PAK3: variants seen among roughly 807,000 people sequenced by gnomAD.
PAK3 encodes the protein serine/threonine-protein kinase PAK 3.
A neutral mutation model predicts 41.0 loss-of-function variants in PAK3; 4 were observed. The ratio of observed to expected loss-of-function variants is 0.10; its 90% CI spans 0.05 to 0.22. PAK3 has a LOEUF of 0.22. Among genes scored for constraint, PAK3 ranks in the 10% least tolerant of loss-of-function variants. The pLI, the probability that PAK3 is intolerant of heterozygous loss-of-function variation, is 1.00. For synonymous variants in PAK3, 146 were observed against 139.6 expected, an observed-to-expected ratio of 1.05 and a Z score of -0.32; for missense variants, 205 against 409.9, an observed-to-expected ratio of 0.50 and a Z score of 4.32.
At chrX:111,114,561 C>A (rs1472227536) in intron 4 of PAK3, among the ~76,000 whole-genome samples, 4 of 111,478 alleles carry the variant, frequency 3.6e-5, no homozygotes, top group Non-Finnish European at 7.5e-5. Context: ...GACATAAGAT[C>A]TTTTCCTCTC....
At chrX:111,036,336 T>C (rs2092398995) in intron 1 of PAK3, among the ~76,000 whole-genome samples, 1 of 112,546 alleles carries the variant, frequency 8.9e-6, no homozygotes, top group South Asian at 3.7e-4. Context: ...TCCATTCTCG[T>C]GCTGCTATGA....
chrX:111,195,472 G>C (rs1370836789), intron 14 of PAK3, among the ~76,000 whole-genome samples: 2 of 111,887 alleles, frequency 1.8e-5, no homozygotes, highest in Non-Finnish European at 3.8e-5. Context: ...CAGAACTTCT[G>C]AATCAAATCA....
At chrX:111,065,426 T>A (rs1404565950) in intron 1 of PAK3, among the ~76,000 whole-genome samples, 5 of 111,470 alleles carry the variant, frequency 4.5e-5, no homozygotes. Context: ...TGGTGAATTA[T>A]CTTTTTGATG....
At chrX:111,052,872 T>C (rs1220629276) in intron 1 of PAK3, among the ~76,000 whole-genome samples, 1 of 112,204 alleles carries the variant, frequency 8.9e-6, no homozygotes, top group Non-Finnish European at 1.9e-5. Context: ...CCTTTAACCA[T>C]GTCAGAAAAG....
intron 11 of PAK3, among the ~76,000 whole-genome samples, chrX:111,185,190 G>T (rs184967370): frequency 8.9e-6 from 1 of 112,021 alleles, no homozygotes; most frequent in East Asian, 2.8e-4. Context: ...CCGCATAAAT[G>T]TCTTCTTTTG....
chrX:111,075,631 G>A (rs1296840961), intron 1 of PAK3, among the ~76,000 whole-genome samples: 6 of 112,871 alleles, frequency 5.3e-5, no homozygotes, highest in Non-Finnish European at 1.1e-4. Context: ...TACTATGGCA[G>A]CACCAAGAGG....
intron 1 of PAK3, among the ~76,000 whole-genome samples, chrX:111,029,394 AACT>A (rs2092314185): frequency 9.0e-6 from 1 of 111,525 alleles, no homozygotes; most frequent in African/African-American, 3.3e-5. Flanking sequence ...CCCAAAACTT[AACT>A]ACTAATAGCC....
At chrX:111,132,142 T>C (rs1441202638) in intron 5 of PAK3, among the ~76,000 whole-genome samples, 1 of 110,699 alleles carries the variant, frequency 9.0e-6, no homozygotes, top group African/African-American at 3.3e-5. Flanking sequence ...GATAAATCAA[T>C]GGACCACCGA....
intron 4 of PAK3, among the ~76,000 whole-genome samples, chrX:111,114,262 C>T (rs898386718): frequency 8.9e-6 from 1 of 111,966 alleles, no homozygotes; most frequent in Admixed American, 9.5e-5. Context: ...CTGCTGGAGC[C>T]TATAACCTCA....
At chrX:111,017,798 C>A (rs909491373) in intron 1 of PAK3, among the ~76,000 whole-genome samples, 1 of 111,476 alleles carries the variant, frequency 9.0e-6, no homozygotes, top group Non-Finnish European at 1.9e-5. Context: ...AACTACAGAC[C>A]AATATACCTT....
intron 10 of PAK3, among the ~76,000 whole-genome samples, chrX:111,171,177 G>C (rs1030520372): frequency 2.7e-5 from 3 of 111,327 alleles, no homozygotes; most frequent in Non-Finnish European, 5.7e-5. Flanking sequence ...GTGGCCATGG[G>C]CATAGAGAGA....
chrX:111,045,751 G>A (rs1031749534), intron 1 of PAK3, among the ~76,000 whole-genome samples: 20 of 111,459 alleles, frequency 1.8e-4, no homozygotes, highest in African/African-American at 5.9e-4. Flanking sequence ...TATGGTCTCA[G>A]AATTCTAGGA....
At chrX:111,168,644 G>GT (rs966076442) in intron 10 of PAK3, among the ~76,000 whole-genome samples, 27 of 110,849 alleles carry the variant, frequency 2.4e-4, no homozygotes, top group East Asian at 1.4e-3. Flanking sequence ...TTTATTTCCA[G>GT]TTTTTTTTCC....
chrX:111,006,792 G>T (rs1020471947), intron 1 of PAK3, among the ~76,000 whole-genome samples: 3 of 101,882 alleles, frequency 2.9e-5, no homozygotes, highest in Non-Finnish European at 6.1e-5. Flanking sequence ...TCTGTAGTGG[G>T]ACCTGAGAAT....
At chrX:110,995,422 G>A (rs945503871) in intron 1 of PAK3, among the ~76,000 whole-genome samples, 4 of 110,959 alleles carry the variant, frequency 3.6e-5, no homozygotes, top group African/African-American at 9.8e-5. Flanking sequence ...ATGGCTTTGT[G>A]TATGAGTTTA....
rs550940436 is a variant in PAK3, at chrX:111,196,217, G to A, written c.1211-227G>A. Among the ~76,000 whole-genome samples, 5 of 112,019 alleles carry A rather than the reference G, an allele frequency of 4.5e-5. No individual in the cohort carries two copies. The South Asian group carries it at 1.9e-3, about 42-fold the overall frequency. On this transcript the variant is annotated intron_variant, in intron 15 of 17. Coordinates refer to ENST00000372007, the MANE Select transcript of PAK3 (RefSeq NM_002578.5). The stretch of plus-strand genomic sequence containing the variant: ...TCTGTAAGTTTGAGAAAACAGTGAT[G>A]AGAGGGAATTAGATTGAAGTCTAGT...
At chrX:111,087,777 A>G (rs1438563997) in intron 1 of PAK3, among the ~76,000 whole-genome samples, 4 of 107,538 alleles carry the variant, frequency 3.7e-5, no homozygotes, top group Non-Finnish European at 7.7e-5. Context: ...AAAAAAAAAA[A>G]AAACAGAAGA....
At chrX:111,033,068 A>G (rs762887403) in intron 1 of PAK3, among the ~76,000 whole-genome samples, 28 of 111,497 alleles carry the variant, frequency 2.5e-4, no homozygotes, top group Admixed American at 4.8e-4. Flanking sequence ...GAAACATCCC[A>G]AATCTATAGA....
chrX:111,163,019 C>T lies in PAK3; in HGVS notation c.573C>T (p.Ile191=), dbSNP rs761722930. Reference sequence around the variant, plus strand: ...ATGAAAATGAGCCACCACCAGTTATCGCACCAAGACCAGAGCATACAAAAT... The same window carrying T: ...ATGAAAATGAGCCACCACCAGTTATTGCACCAAGACCAGAGCATACAAAAT... The part of the protein sequence containing the change: ...EEDENEPPPV[I]APRPEHTKSI... The change falls in exon 9 of 18, where the codon ATC becomes ATT. Residue 191 remains isoleucine, a synonymous_variant. Coordinates refer to ENST00000372007, the MANE Select transcript of PAK3 (RefSeq NM_002578.5). 4 of 1,205,614 alleles carry T rather than the reference C, an allele frequency of 3.3e-6. No homozygotes were observed. In the African/African-American group the frequency reaches 5.3e-5, roughly 16 times the overall value.
Sources: allele counts gnomAD v4.1 joint callset (sites outside exome capture counted in the v4.1 genomes callset), GRCh38; gene constraint gnomAD v4.1.1; transcripts MANE v1.5; gene names NCBI Gene and HGNC (gene_info 2026-07-23, HGNC 2026-07-21).